The following RARB variants were observed in gnomAD, a reference collection of about 807,000 sequenced individuals.
RARB encodes HBV-activated protein.
In RARB, 17 loss-of-function variants were observed where a neutral mutation model predicts 51.9. That is an observed-to-expected ratio of 0.33 (90% CI 0.22 to 0.49). RARB has a LOEUF of 0.49. Ranked by LOEUF, RARB falls within the 20% of genes least tolerant of loss-of-function variation. The pLI, the probability that RARB is intolerant of heterozygous loss-of-function variation, is 0.99. For missense variants in RARB, 369 were observed against 550.8 expected (o/e 0.67, Z 3.30); for synonymous variants, 215 against 195.4 (o/e 1.10, Z -0.84).
chr3:25,374,690 T>C (rs1385430345), intron 5 of RARB, among the ~76,000 whole-genome samples: 2 of 152,034 alleles, frequency 1.3e-5, no homozygotes, highest in Admixed American at 6.6e-5. Context: ...AGAAGAAGAA[T>C]GGAGAGTAGA....
At chr3:25,151,404 A>G (rs890329099) in intron 4 of RARB, among the ~76,000 whole-genome samples, 1 of 152,200 alleles carries the variant, frequency 6.6e-6, no homozygotes, top group Non-Finnish European at 1.5e-5. Context: ...TCCTTACCCC[A>G]GGGCAGGGAA....
intron 2 of RARB, among the ~76,000 whole-genome samples, chr3:25,496,852 T>G (rs1213298634): frequency 9.2e-5 from 14 of 151,842 alleles, no homozygotes; most frequent in Non-Finnish European, 1.3e-4. Flanking sequence ...AGTTCCAGAG[T>G]TGGTAGCAGA....
At chr3:25,404,006 T>A (rs755388529) in intron 5 of RARB, among the ~76,000 whole-genome samples, 1 of 151,360 alleles carries the variant, frequency 6.6e-6, no homozygotes, top group Admixed American at 6.6e-5. Context: ...CTGGACAAGA[T>A]CCACCTGGAG....
intron 2 of RARB, among the ~76,000 whole-genome samples, chr3:24,949,598 T>G (rs1164395887): frequency 6.6e-6 from 1 of 152,240 alleles, no homozygotes; most frequent in African/African-American, 2.4e-5. Flanking sequence ...GAATATGTAT[T>G]TCTTGAATCC....
At chr3:24,998,921 G>C (rs1285690663) in intron 2 of RARB, among the ~76,000 whole-genome samples, 1 of 151,986 alleles carries the variant, frequency 6.6e-6, no homozygotes, top group Non-Finnish European at 1.5e-5. Context: ...TCACATGTCT[G>C]ATTCTATTAT....
chr3:25,126,686 G>A (rs1699865616), intron 3 of RARB, among the ~76,000 whole-genome samples: 1 of 152,126 alleles, frequency 6.6e-6, no homozygotes, highest in African/African-American at 2.4e-5. Flanking sequence ...AAAGCTCTTG[G>A]CAATAACTTT....
At chr3:25,555,413 T>G (rs1700017630) in intron 3 of RARB, 1 of 152,162 alleles carries the variant, frequency 6.6e-6, no homozygotes, top group African/African-American at 2.4e-5. Flanking sequence ...ATGCATTTGT[T>G]TATCATCTGC....
At position 25,519,692 on chromosome 3, in the gene RARB, T is replaced by C. The variant is rs540303429; in HGVS notation, c.448+18369T>C. ...TAAGCTTACCTGTATTTTTATCACT[T>C]ATCATTTTAGTGCACATTTGTTTGT... On this transcript the variant is annotated intron_variant, in intron 3 of 7. Transcript: ENST00000330688. Among the ~76,000 whole-genome samples, 3 of 152,290 alleles carry C rather than the reference T, an allele frequency of 2.0e-5. No individual in the cohort carries two copies. The East Asian group carries it at 5.8e-4, about 29-fold the overall frequency.
chr3:25,104,345 C>T (rs916979312), intron 3 of RARB, among the ~76,000 whole-genome samples: 1 of 152,084 alleles, frequency 6.6e-6, no homozygotes, highest in Non-Finnish European at 1.5e-5. Flanking sequence ...ATCTTATCAC[C>T]CATTTATTCC....
intron 5 of RARB, among the ~76,000 whole-genome samples, chr3:25,212,493 C>G (rs1317389789): frequency 1.3e-5 from 2 of 152,148 alleles, no homozygotes; most frequent in Non-Finnish European, 2.9e-5. Context: ...TGGCACATGC[C>G]TGTAATCCCA....
chr3:24,891,332 A>G (rs1703374303), intron 2 of RARB, among the ~76,000 whole-genome samples: 1 of 152,124 alleles, frequency 6.6e-6, no homozygotes, highest in Non-Finnish European at 1.5e-5. Flanking sequence ...GCATGTCTAC[A>G]TTGGAAGCTT....
At chr3:25,187,073 T>C (rs1700996179) in intron 5 of RARB, among the ~76,000 whole-genome samples, 1 of 152,024 alleles carries the variant, frequency 6.6e-6, no homozygotes, top group Non-Finnish European at 1.5e-5. Flanking sequence ...TCTGTGTCCA[T>C]GCTTCTTCAG....
chr3:24,845,969 G>T (rs1404626288), intron 1 of RARB, among the ~76,000 whole-genome samples: 1 of 152,170 alleles, frequency 6.6e-6, no homozygotes, highest in African/African-American at 2.4e-5. Flanking sequence ...CAATACCTCT[G>T]CGAGAGGCAG....
At chr3:24,936,210 C>T (rs1453750931) in intron 2 of RARB, among the ~76,000 whole-genome samples, 2 of 152,020 alleles carry the variant, frequency 1.3e-5, no homozygotes, top group African/African-American at 4.8e-5. Context: ...TAGATAGCAT[C>T]ATAATTTTGA....
At chr3:25,227,741 A>G (rs1031372609) in intron 5 of RARB, among the ~76,000 whole-genome samples, 6 of 152,104 alleles carry the variant, frequency 3.9e-5, no homozygotes, top group African/African-American at 1.4e-4. Context: ...TGCTATATTT[A>G]CATGGGAACC....
chr3:24,964,857 A>G (rs1256853313), intron 2 of RARB, among the ~76,000 whole-genome samples: 1 of 152,140 alleles, frequency 6.6e-6, no homozygotes, highest in Non-Finnish European at 1.5e-5. Context: ...TAGCAGGGCT[A>G]TTGGGTACCC....
At chr3:25,217,008 G>C (rs188802002) in intron 5 of RARB, among the ~76,000 whole-genome samples, 1 of 152,008 alleles carries the variant, frequency 6.6e-6, no homozygotes, top group East Asian at 1.9e-4. Flanking sequence ...TTTAAGGATG[G>C]CTTCTTAGGT....
At chr3:25,263,581 A>G (rs967516589) in intron 5 of RARB, among the ~76,000 whole-genome samples, 1 of 152,202 alleles carries the variant, frequency 6.6e-6, no homozygotes, top group Non-Finnish European at 1.5e-5. Context: ...GAGATTTTTC[A>G]GCCAGCCAAC....
intron 5 of RARB, among the ~76,000 whole-genome samples, chr3:25,374,844 C>A (rs1409443759): frequency 6.6e-6 from 1 of 152,202 alleles, no homozygotes; most frequent in Admixed American, 6.5e-5. Context: ...TGTAGCTACA[C>A]TGAGCAGTTT....
Sources: allele counts gnomAD v4.1 joint callset (sites outside exome capture counted in the v4.1 genomes callset), GRCh38; gene constraint gnomAD v4.1.1; transcripts MANE v1.5; gene names NCBI Gene and HGNC (gene_info 2026-07-23, HGNC 2026-07-21).